RANBP17: variants seen among roughly 807,000 people sequenced by gnomAD.
RANBP17 encodes the protein ran-binding protein 17.
Under a neutral mutation model 141.2 loss-of-function variants are expected in RANBP17, and 158 were observed. The ratio of observed to expected loss-of-function variants is 1.12; its 90% CI spans 0.98 to 1.28. The LOEUF (loss-of-function observed/expected upper bound fraction) is 1.28, where lower values mean the gene tolerates loss of function less well. Among genes scored for constraint, RANBP17 ranks in the 50% most tolerant of loss-of-function variants. The probability of loss-of-function intolerance (pLI) is 0.00; values close to 1 mark genes in which losing one functional copy is unlikely to be tolerated. For missense variants in RANBP17, 1,438 were observed against 1,290.7 expected (o/e 1.11, Z -1.75); for synonymous variants, 430 against 450.0 (o/e 0.96, Z 0.56).
rs1309050510 is a variant in RANBP17, at chr5:171,241,036, A to G, written c.2531A>G (p.Asn844Ser). 6.2e-7 allele frequency: 1 copy of G among 1,613,932 alleles called. No homozygotes were observed. The highest frequency in any genetic ancestry group is 1.7e-5 in the Admixed American group (1 of 60,002). Residue 844 changes from asparagine (N) to serine (S), a missense_variant, in exon 23 of 28, where the codon AAT (asparagine) becomes AGT (serine). Asn to Ser is a conservative substitution (Grantham distance 46). Transcript: ENST00000523189. ...YSALKSALCGNYVSFGVFKLY... is the reference protein window; with the variant it reads ...YSALKSALCGSYVSFGVFKLY... ...GCTCTCAAGTCTGCCTTGTGTGGAA[A>G]TTATGTCAGCTTTGGCGTCTTCAAG...
chr5:171,192,756 C>T (rs759131055), intron 18 of RANBP17, among the ~76,000 whole-genome samples: 1 of 152,150 alleles, frequency 6.6e-6, no homozygotes, highest in Non-Finnish European at 1.5e-5. Flanking sequence ...TCTCTTAATG[C>T]CATCTACTCT....
intron 14 of RANBP17, among the ~76,000 whole-genome samples, chr5:171,121,970 A>G (rs950200851): frequency 4.6e-5 from 7 of 152,180 alleles, no homozygotes; most frequent in African/African-American, 1.4e-4. Context: ...ATTTCCAGCA[A>G]TACTTTAAAC....
chr5:170,913,476 G>A (rs1367561936), intron 7 of RANBP17, among the ~76,000 whole-genome samples: 1 of 151,966 alleles, frequency 6.6e-6, no homozygotes, highest in African/African-American at 2.4e-5. Context: ...CAGAAAAGAT[G>A]GTATGATTAA....
Position 171,295,955 on chromosome 5 carries a change from G to A in RANBP17, c.3111G>A (p.Gln1037=). The part of the protein sequence containing the change: ...QPLPKQEVLA[Q]CFRNLMEGVE... ...TCCCCAAGCAGGAGGTCCTTGCCCA[G>A]TGCTTCAGAAACCTAATGGAAGGAG... The change falls in exon 27 of 28, where the codon CAG becomes CAA. Residue 1037 remains glutamine (Q), a synonymous_variant. Transcript: ENST00000523189. 1 of 1,613,972 alleles carries A rather than the reference G, an allele frequency of 6.2e-7. No individual in the cohort carries two copies. The highest frequency in any genetic ancestry group is 2.2e-5 in the East Asian group (1 of 44,876).
At chr5:171,106,419 G>A (rs535058878) in intron 14 of RANBP17, among the ~76,000 whole-genome samples, 1 of 152,158 alleles carries the variant, frequency 6.6e-6, no homozygotes, top group Non-Finnish European at 1.5e-5. Flanking sequence ...TAGGGGAATA[G>A]AATGAGAATA....
intron 14 of RANBP17, among the ~76,000 whole-genome samples, chr5:170,980,618 G>A (rs1272672455): frequency 6.6e-6 from 1 of 152,238 alleles, no homozygotes; most frequent in East Asian, 1.9e-4. Flanking sequence ...CTTCCATGTG[G>A]TGTTGAGCCT....
chr5:170,947,433 A>T (rs1343545590), intron 12 of RANBP17, among the ~76,000 whole-genome samples: 1 of 152,212 alleles, frequency 6.6e-6, no homozygotes, highest in Non-Finnish European at 1.5e-5. Flanking sequence ...ATAAGTATGT[A>T]AAATATGTTA....
chr5:171,218,319 C>T (rs532640680), intron 21 of RANBP17, among the ~76,000 whole-genome samples: 35 of 152,096 alleles, frequency 2.3e-4, no homozygotes, highest in African/African-American at 8.0e-4. Flanking sequence ...ATTATGTGGT[C>T]GATTTTAGAA....
At chr5:171,222,756 G>A (rs896843842) in intron 22 of RANBP17, among the ~76,000 whole-genome samples, 2 of 151,878 alleles carry the variant, frequency 1.3e-5, no homozygotes, top group Non-Finnish European at 2.9e-5. Context: ...TCAGCTTCCC[G>A]AGTAGCTGTG....
chr5:171,066,517 T>C (rs1451073077), intron 14 of RANBP17, among the ~76,000 whole-genome samples: 1 of 152,250 alleles, frequency 6.6e-6, no homozygotes, highest in Non-Finnish European at 1.5e-5. Flanking sequence ...TTTTTAAGGC[T>C]GAATAGCATT....
chr5:171,252,506 A>T, intron 24 of RANBP17: 2 of 1,442,194 alleles, frequency 1.4e-6, no homozygotes, highest in Non-Finnish European at 9.7e-7. Context: ...TACAAGTATT[A>T]CTGTGAAGAG....
At chr5:171,262,943 G>T (rs761337870) in intron 24 of RANBP17, among the ~76,000 whole-genome samples, 1 of 152,042 alleles carries the variant, frequency 6.6e-6, no homozygotes, top group Non-Finnish European at 1.5e-5. Context: ...TTCAAAACTT[G>T]CCCCAAAACT....
At chr5:171,035,913 A>G (rs1470567436) in intron 14 of RANBP17, among the ~76,000 whole-genome samples, 1 of 151,672 alleles carries the variant, frequency 6.6e-6, no homozygotes, top group Non-Finnish European at 1.5e-5. Flanking sequence ...TCTTTCTTTG[A>G]GACAGAGTCT....
intron 14 of RANBP17, among the ~76,000 whole-genome samples, chr5:171,128,331 GT>G (rs2127784897): frequency 6.6e-6 from 1 of 152,188 alleles, no homozygotes; most frequent in South Asian, 2.1e-4. Context: ...GAAAAAAAGC[GT>G]GAAATCATGT....
In RANBP17 at chr5:170,878,064, T is replaced by C. The variant is rs373445791; in HGVS notation, c.19-33T>C. 5 of 1,494,202 alleles carry C rather than the reference T, an allele frequency of 3.3e-6. No individual in the cohort carries two copies. The African/African-American group carries it at 5.6e-5, about 17-fold the overall frequency. The allele number at this position is 1,494,202 out of a possible 1,614,324, so 92.6% of individuals were successfully genotyped here. On this transcript the variant is annotated intron_variant, in intron 1 of 27. Transcript: ENST00000523189. ...TAAATATTTACCTCATTTTTTTCAT[T>C]GAAGTAAAATGTTAATTTTTTTTTC...
chr5:171,066,525 A>G (rs769051314), intron 14 of RANBP17, among the ~76,000 whole-genome samples: 49 of 152,214 alleles, frequency 3.2e-4, no homozygotes, highest in Admixed American at 8.5e-4. Context: ...GCTGAATAGC[A>G]TTCCACTGTA....
intron 14 of RANBP17, among the ~76,000 whole-genome samples, chr5:171,012,099 A>G (rs1317731318): frequency 6.6e-6 from 1 of 151,636 alleles, no homozygotes; most frequent in Admixed American, 6.6e-5. Flanking sequence ...GTTTAAACAA[A>G]TAATACATTT....
In RANBP17 at chr5:170,986,622, A is replaced by G. The variant is rs528188152; in HGVS notation, c.1710+18245A>G. ...ATTGCAAATCTAGAAATTTTTTAAA[A>G]GATAAGTTCTCATTGATGTATTTTC... is the stretch of plus-strand genomic sequence containing the variant. On this transcript the variant is annotated intron_variant, in intron 14 of 27. Coordinates refer to ENST00000523189, the MANE Select transcript of RANBP17 (RefSeq NM_022897.5). 1.1e-4 allele frequency among the ~76,000 whole-genome samples: 16 copies of G among 151,916 alleles called. No individual in the cohort carries two copies. The South Asian group carries it at 1.2e-3, about 12-fold the overall frequency.
chr5:171,162,787 T>A lies in RANBP17; in HGVS notation c.1711-7343T>A, dbSNP rs147376909. Among the ~76,000 whole-genome samples, 60 of 152,198 alleles carry A rather than the reference T, an allele frequency of 3.9e-4. 1 individual carries two copies. The East Asian group carries it at 0.011, about 27-fold the overall frequency. The stretch of plus-strand genomic sequence containing the variant: ...AGGCCCCTACTGGGAGAGGGGATTA[T>A]CACAAGGCAGCAGGCAGCCCTGCAC... On this transcript the variant is annotated intron_variant, in intron 14 of 27. Transcript: ENST00000523189.
Sources: allele counts gnomAD v4.1 joint callset (sites outside exome capture counted in the v4.1 genomes callset), GRCh38; gene constraint gnomAD v4.1.1; transcripts MANE v1.5; gene names NCBI Gene and HGNC (gene_info 2026-07-23, HGNC 2026-07-21).